The following SLC39A14 variants were observed in gnomAD, a reference collection of about 807,000 sequenced individuals.
SLC39A14 encodes metal cation symporter ZIP14.
A neutral mutation model predicts 45.5 loss-of-function variants in SLC39A14; 19 were observed. The ratio of observed to expected loss-of-function variants is 0.42; its 90% CI spans 0.29 to 0.61. The LOEUF (loss-of-function observed/expected upper bound fraction) is 0.61. Ranked by LOEUF, SLC39A14 falls within the 20% of genes least tolerant of loss-of-function variation. SLC39A14 has a pLI of 0.22. For synonymous variants in SLC39A14, 264 were observed against 251.3 expected (o/e 1.05, Z -0.48); for missense variants, 447 against 616.5 (o/e 0.73, Z 2.91).
chr8:22,412,508 G>A (rs1171027567), intron 4 of SLC39A14, among the ~76,000 whole-genome samples: 1 of 152,206 alleles, frequency 6.6e-6, no homozygotes, highest in Non-Finnish European at 1.5e-5. Flanking sequence ...TGTTGTGAGG[G>A]TGGAACGAGC....
chr8:22,402,492 G>A (rs756605633), intron 1 of SLC39A14, among the ~76,000 whole-genome samples: 3 of 152,142 alleles, frequency 2.0e-5, no homozygotes, highest in Admixed American at 6.5e-5. Context: ...AATTCTGGCC[G>A]GGCACGGTGG....
chr8:22,394,155 C>T (rs1356531935), intron 1 of SLC39A14, among the ~76,000 whole-genome samples: 52 of 151,706 alleles, frequency 3.4e-4, no homozygotes, highest in Non-Finnish European at 1.6e-4. Context: ...TACAGGCGTG[C>T]GCCACCACAC....
At chr8:22,372,883 C>T (rs1281863726) in intron 1 of SLC39A14, among the ~76,000 whole-genome samples, 1 of 152,062 alleles carries the variant, frequency 6.6e-6, no homozygotes, top group Non-Finnish European at 1.5e-5. Context: ...GATCCTTCTG[C>T]CTCAGCCTCA....
In SLC39A14 at chr8:22,420,636, G is replaced by C; in HGVS notation, c.*938G>C. ...CACAAACTATCCTCCCCCAGGTTGA[G>C]ACGTCTGCAGAGTGGCAAGCTGACT... On this transcript the variant is annotated 3_prime_UTR_variant, in exon 9 of 9. Coordinates refer to ENST00000381237, the MANE Select transcript of SLC39A14 (RefSeq NM_001128431.4). The C allele has an allele frequency of 1.0e-6, 1 of 985,400 alleles. No individual in the cohort carries two copies. The highest frequency in any genetic ancestry group is 1.2e-6 in the Non-Finnish European group (1 of 829,932). 61.0% of individuals were successfully genotyped at this position (985,400 alleles called of 1,614,324 possible). A position where few individuals can be genotyped will look rare whatever the true frequency, so the allele number is the denominator to read the frequency against.
At chr8:22,383,011 GC>G (rs1277525803) in intron 1 of SLC39A14, among the ~76,000 whole-genome samples, 1 of 152,010 alleles carries the variant, frequency 6.6e-6, no homozygotes, top group Admixed American at 6.6e-5. Context: ...AGTCACCGCG[GC>G]CGGTGGCGGT....
chr8:22,419,904 G>A lies in SLC39A14; in HGVS notation c.*206G>A, dbSNP rs966201551. ...CCCTGGTAACCAGTCTCTAGCTAGT[G>A]CCTCTTGCCCTCTCCTCACCTCCTT... On this transcript the variant is annotated 3_prime_UTR_variant, in exon 9 of 9. Coordinates refer to ENST00000381237, the MANE Select transcript of SLC39A14 (RefSeq NM_001128431.4). The A allele has an allele frequency of 2.3e-6, 3 of 1,284,822 alleles. No individual in the cohort carries two copies. Among genetic ancestry groups the A allele is most frequent in the African/African-American group, 3.0e-5 (2 of 66,594 alleles). 79.6% of individuals were successfully genotyped at this position (1,284,822 alleles called of 1,614,324 possible).
chr8:22,388,478 C>A (rs1833900521), intron 1 of SLC39A14, among the ~76,000 whole-genome samples: 1 of 151,974 alleles, frequency 6.6e-6, no homozygotes, highest in African/African-American at 2.4e-5. Flanking sequence ...GTTGGAGAGA[C>A]CCCTGACTCC....
intron 1 of SLC39A14, among the ~76,000 whole-genome samples, chr8:22,395,328 G>A (rs1834325168): frequency 6.6e-6 from 1 of 152,084 alleles, no homozygotes; most frequent in African/African-American, 2.4e-5. Flanking sequence ...TCCCCTCTCC[G>A]GGAATACGAG....
intron 8 of SLC39A14, among the ~76,000 whole-genome samples, chr8:22,428,479 A>T (rs1381348154): frequency 8.2e-6 from 1 of 122,502 alleles, no homozygotes; most frequent in Non-Finnish European, 1.6e-5. Context: ...GTCTCACTCC[A>T]TTGCCCAGGC....
At chr8:22,426,476 A>G (rs2896823), downstream of SLC39A14, among the ~76,000 whole-genome samples, 50,713 of 152,144 alleles carry the variant, frequency 0.33, 9,353 homozygotes, top group East Asian at 0.6. Flanking sequence ...GACAGGCATG[A>G]GCCATTGCAC....
chr8:22,416,231 C>T lies in SLC39A14; in HGVS notation c.1098C>T (p.Gly366=). The change falls in exon 7 of 9, where the codon GGC becomes GGT. Residue 366 remains glycine (G), a synonymous_variant. Coordinates refer to ENST00000381237, the MANE Select transcript of SLC39A14 (RefSeq NM_001128431.4). ...GASFTVSVFQ[G]ISTSVAILCE... ...CCTTCACTGTGTCAGTTTTCCAAGG[C>T]ATCAGCACCTCGGTGGCCATCCTCT... 2 of 1,613,622 alleles carry T rather than the reference C, an allele frequency of 1.2e-6. No individual in the cohort carries two copies. The highest frequency in any genetic ancestry group is 1.7e-6 in the Non-Finnish European group (2 of 1,180,008).
intron 1 of SLC39A14, among the ~76,000 whole-genome samples, chr8:22,381,420 G>A (rs560304324): frequency 1.3e-5 from 2 of 152,004 alleles, no homozygotes; most frequent in South Asian, 2.1e-4. Flanking sequence ...ATAGGCGCCC[G>A]CCACCAGGCC....
In SLC39A14 at chr8:22,408,487, G is replaced by A. The variant is rs757888834; in HGVS notation, c.448G>A (p.Ala150Thr). The A allele has an allele frequency of 1.2e-5, 20 of 1,612,452 alleles. No individual in the cohort carries two copies. Among genetic ancestry groups the A allele is most frequent in the South Asian group, 3.3e-5 (3 of 90,998 alleles). ...NEQTEEGRPS[A>T]VEVWGYGLLC... ...GCAGACGGAGGAGGGGCGGCCAAGC[G>A]CTGTTGAAGGTGAGCCAGGCCAGGA... The change falls in exon 3 of 9, where the codon GCT (alanine) becomes ACT (threonine). Residue 150 changes from alanine (A) to threonine (T), a missense_variant. Physicochemically the swap from Ala to Thr is moderately conservative, Grantham distance 58. Coordinates refer to ENST00000381237, the MANE Select transcript of SLC39A14 (RefSeq NM_001128431.4).
At chr8:22,408,603 T>C in intron 3 of SLC39A14, 107 bp downstream of exon 3, 3 of 1,036,808 alleles carry the variant, frequency 2.9e-6, no homozygotes, top group East Asian at 5.2e-5. Flanking sequence ...TCACCAGTGA[T>C]GACCAGGATG....
intron 1 of SLC39A14, among the ~76,000 whole-genome samples, chr8:22,402,651 C>T (rs1008744738): frequency 1.3e-5 from 2 of 151,590 alleles, no homozygotes; most frequent in Non-Finnish European, 2.9e-5. Context: ...CGCCTATAAT[C>T]CCAGCTACTT....
chr8:22,417,854 A>G lies in SLC39A14; in HGVS notation c.1332+19A>G, dbSNP rs189933855. ...TGATATGGTAAGTGTTCCACAGTTCACTGGATGAGAGGGCGGCTAAGGGGA... is the reference window on the plus strand; with the variant it reads ...TGATATGGTAAGTGTTCCACAGTTCGCTGGATGAGAGGGCGGCTAAGGGGA... On this transcript the variant is annotated intron_variant, in intron 8 of 8. Transcript: ENST00000381237. 1.7e-3 allele frequency: 2,700 copies of G among 1,605,412 alleles called. 10 individuals carry two copies. The highest frequency in any genetic ancestry group is 1.2e-3 in the Non-Finnish European group (1,459 of 1,174,816).
chr8:22,421,385 T>TAA lies in SLC39A14; in HGVS notation c.*1688_*1689dup. On this transcript the variant is annotated 3_prime_UTR_variant, in exon 9 of 9. Coordinates refer to ENST00000381237, the MANE Select transcript of SLC39A14 (RefSeq NM_001128431.4). ...GAAAAACTGCTGGTGATACTTTTTT[T>TAA]AAGTTTTGTTTTTATCTTGCCTGTT... 1 of 985,882 alleles carries TAA rather than the reference T, an allele frequency of 1.0e-6. No homozygotes were observed. Among genetic ancestry groups the TAA allele is most frequent in the Non-Finnish European group, 1.2e-6 (1 of 829,930 alleles). 61.1% of individuals were successfully genotyped at this position (985,882 alleles called of 1,614,324 possible). A position where few individuals can be genotyped will look rare whatever the true frequency, so the allele number is the denominator to read the frequency against.
chr8:22,394,707 T>C (rs183544158), intron 1 of SLC39A14, among the ~76,000 whole-genome samples: 1 of 152,288 alleles, frequency 6.6e-6, no homozygotes, highest in African/African-American at 2.4e-5. Flanking sequence ...TCTCCGTATT[T>C]CCATTTCTGT....
intron 1 of SLC39A14, among the ~76,000 whole-genome samples, chr8:22,397,526 C>T (rs1270677628): frequency 1.6e-4 from 25 of 151,940 alleles, no homozygotes; most frequent in Admixed American, 1.3e-3. Flanking sequence ...TGCAGTGAGC[C>T]GAGATAGCGC....
Sources: allele counts gnomAD v4.1 joint callset (sites outside exome capture counted in the v4.1 genomes callset), GRCh38; gene constraint gnomAD v4.1.1; transcripts MANE v1.5; gene names NCBI Gene and HGNC (gene_info 2026-07-23, HGNC 2026-07-21).